CSMD1: variants seen among roughly 807,000 people sequenced by gnomAD.
The protein encoded by CSMD1 is CUB and sushi domain-containing protein 1.
In CSMD1, 213 loss-of-function variants were observed where a neutral mutation model predicts 417.5. That is an observed-to-expected ratio of 0.51 (90% CI 0.46 to 0.57). The LOEUF (loss-of-function observed/expected upper bound fraction) is 0.57, where lower values mean the gene tolerates loss of function less well. Ranked by LOEUF, CSMD1 falls within the 20% of genes least tolerant of loss-of-function variation. The pLI, the probability that CSMD1 is intolerant of heterozygous loss-of-function variation, is 0.00. For missense variants in CSMD1, 6,923 were observed against 4,529.7 expected, an observed-to-expected ratio of 1.53 and a Z score of -15.17; for synonymous variants, 2,862 against 1,736.8, an observed-to-expected ratio of 1.65 and a Z score of -16.11.
At chr8:4,253,985 C>A (rs1025837196) in intron 3 of CSMD1, among the ~76,000 whole-genome samples, 6 of 133,286 alleles carry the variant, frequency 4.5e-5, no homozygotes, top group African/African-American at 1.7e-4. Context: ...GGTGCGATCT[C>A]GGCTCACTGC....
intron 3 of CSMD1, among the ~76,000 whole-genome samples, chr8:4,176,699 G>C (rs1381261983): frequency 1.3e-5 from 2 of 150,750 alleles, no homozygotes; most frequent in East Asian, 1.9e-4. Flanking sequence ...CACGTGCAGA[G>C]ACACACATAG....
chr8:3,327,283 C>G (rs1005594734), intron 23 of CSMD1, among the ~76,000 whole-genome samples: 1 of 152,094 alleles, frequency 6.6e-6, no homozygotes, highest in Non-Finnish European at 1.5e-5. Context: ...GCTGGGACTA[C>G]AGGCACCCAC....
intron 2 of CSMD1, among the ~76,000 whole-genome samples, chr8:4,490,252 G>C (rs1474732759): frequency 6.6e-6 from 1 of 152,004 alleles, no homozygotes; most frequent in African/African-American, 2.4e-5. Context: ...ATCTTGGCCA[G>C]GTTGATCTTG....
intron 38 of CSMD1, 147 bp from the exon 39 acceptor site, chr8:3,158,113 ATGAT>A: frequency 3.0e-6 from 2 of 675,360 alleles, no homozygotes; most frequent in Non-Finnish European, 5.0e-6. Flanking sequence ...GTTTTTAGTA[ATGAT>A]TATTAGTGAG....
At chr8:3,825,396 G>C (rs112559362) in intron 5 of CSMD1, among the ~76,000 whole-genome samples, 1 of 152,126 alleles carries the variant, frequency 6.6e-6, no homozygotes, top group Non-Finnish European at 1.5e-5. Flanking sequence ...AGGGGTGGTG[G>C]TAGGCACCTG....
chr8:4,402,281 C>G (rs1804696258), intron 3 of CSMD1, among the ~76,000 whole-genome samples: 1 of 151,980 alleles, frequency 6.6e-6, no homozygotes, highest in African/African-American at 2.4e-5. Context: ...TATCATTCCC[C>G]ACGGTCTTTG....
At chr8:4,320,876 C>G (rs993176050) in intron 3 of CSMD1, among the ~76,000 whole-genome samples, 3 of 152,158 alleles carry the variant, frequency 2.0e-5, no homozygotes, top group Non-Finnish European at 4.4e-5. Context: ...AAGACACAAA[C>G]ACACTTATGT....
chr8:3,493,792 T>G (rs1378419631), intron 10 of CSMD1, 66 bp from the exon 11 acceptor site: 2 of 1,328,664 alleles, frequency 1.5e-6, no homozygotes, highest in African/African-American at 2.9e-5. Context: ...TAATAGGTAT[T>G]GCAAATATCT....
intron 7 of CSMD1, among the ~76,000 whole-genome samples, chr8:3,618,323 C>G (rs1408848294): frequency 6.6e-6 from 1 of 152,052 alleles, no homozygotes; most frequent in Non-Finnish European, 1.5e-5. Context: ...TCTTTTACTA[C>G]TAAATGAGAA....
At chr8:4,428,258 T>G (rs914029647) in intron 2 of CSMD1, among the ~76,000 whole-genome samples, 6 of 152,186 alleles carry the variant, frequency 3.9e-5, no homozygotes, top group African/African-American at 1.4e-4. Context: ...GACTATCAAC[T>G]TGATACAAGG....
chr8:4,528,777 C>A (rs1164011423), intron 2 of CSMD1, among the ~76,000 whole-genome samples: 3 of 93,938 alleles, frequency 3.2e-5, no homozygotes, highest in East Asian at 5.4e-4. Context: ...CATAAGAGCT[C>A]ACTTTCTCTC....
chr8:4,395,226 C>T (rs1455808282), intron 3 of CSMD1, among the ~76,000 whole-genome samples: 3 of 152,162 alleles, frequency 2.0e-5, no homozygotes, highest in Non-Finnish European at 4.4e-5. Flanking sequence ...CTGGTTTTCT[C>T]CTCCCAACTG....
intron 5 of CSMD1, among the ~76,000 whole-genome samples, chr8:3,768,593 G>A (rs1307657725): frequency 6.6e-6 from 1 of 152,184 alleles, no homozygotes; most frequent in Non-Finnish European, 1.5e-5. Flanking sequence ...GTTCAACACA[G>A]AGTGTAACAT....
intron 10 of CSMD1, among the ~76,000 whole-genome samples, chr8:3,558,090 C>T (rs1012371676): frequency 2.5e-4 from 38 of 150,388 alleles, no homozygotes; most frequent in Admixed American, 1.1e-3. Context: ...TACCCCGTGT[C>T]GACTCCTCCA....
chr8:3,596,286 TTG>T lies in CSMD1; in HGVS notation c.1098-10028_1098-10027del, dbSNP rs528085421. ...TCACACAATAGCAGCAGACATGAGTTTGTTTTACTTCATGAACATGCCCAGGC... is the reference window on the plus strand; with the variant it reads ...TCACACAATAGCAGCAGACATGAGTTTTTTACTTCATGAACATGCCCAGGC... On this transcript the variant is annotated intron_variant, in intron 8 of 69. Transcript: ENST00000635120. 2.0e-4 allele frequency among the ~76,000 whole-genome samples: 30 copies of T among 152,254 alleles called. No homozygotes were observed. In the South Asian group the frequency reaches 6.2e-3, roughly 32 times the overall value.
chr8:4,145,922 C>T (rs566515692), intron 3 of CSMD1, among the ~76,000 whole-genome samples: 3 of 150,932 alleles, frequency 2.0e-5, no homozygotes, highest in East Asian at 1.9e-4. Flanking sequence ...CATGATTGGC[C>T]CCATTGTTTG....
At chr8:3,775,918 C>G (rs1000912888) in intron 5 of CSMD1, among the ~76,000 whole-genome samples, 1 of 152,212 alleles carries the variant, frequency 6.6e-6, no homozygotes, top group African/African-American at 2.4e-5. Flanking sequence ...CTCCTCCAGT[C>G]TCATGGATGT....
intron 18 of CSMD1, 120 bp downstream of exon 18, chr8:3,387,374 G>T (rs971168668): frequency 1.1e-4 from 78 of 727,384 alleles, no homozygotes; most frequent in Middle Eastern, 4.1e-4. Flanking sequence ...ACTTCTCAGA[G>T]GGAACTCACG....
chr8:4,400,958 T>G (rs933626067), intron 3 of CSMD1, among the ~76,000 whole-genome samples: 7 of 79,396 alleles, frequency 8.8e-5, no homozygotes, highest in African/African-American at 2.6e-4. Flanking sequence ...GATAATATTA[T>G]GTCTTATATT....
Sources: allele counts gnomAD v4.1 joint callset (sites outside exome capture counted in the v4.1 genomes callset), GRCh38; gene constraint gnomAD v4.1.1; transcripts MANE v1.5; gene names NCBI Gene and HGNC (gene_info 2026-07-23, HGNC 2026-07-21).